TMEM45B: variants seen among roughly 807,000 people sequenced by gnomAD.
TMEM45B encodes the protein transmembrane protein 45B.
TMEM45B carries 29 observed loss-of-function variants against 27.3 expected under a neutral mutation model. The ratio of observed to expected loss-of-function variants is 1.06; its 90% CI spans 0.79 to 1.45. The LOEUF is 1.45. Among genes scored for constraint, TMEM45B ranks in the 40% most tolerant of loss-of-function variants. The pLI, the probability that TMEM45B is intolerant of heterozygous loss-of-function variation, is 0.00. For missense variants in TMEM45B, 348 were observed against 343.9 expected (o/e 1.01, Z -0.09); for synonymous variants, 143 against 134.7 (o/e 1.06, Z -0.43).
chr11:129,834,173 G>A (rs558461402), intron 1 of TMEM45B, among the ~76,000 whole-genome samples: 1 of 152,338 alleles, frequency 6.6e-6, no homozygotes, highest in South Asian at 2.1e-4. Context: ...GCTCACGCCT[G>A]TAATCCCAGC....
chr11:129,826,480 C>A (rs1223643080), intron 1 of TMEM45B, among the ~76,000 whole-genome samples: 5 of 140,888 alleles, frequency 3.5e-5, no homozygotes, highest in Non-Finnish European at 6.1e-5. Flanking sequence ...ACCCGGGAGG[C>A]AGAGCTTGCA....
intron 2 of TMEM45B, 91 bp downstream of exon 2, chr11:129,852,751 C>T (rs1240805821): frequency 5.0e-6 from 7 of 1,401,928 alleles, no homozygotes; most frequent in Non-Finnish European, 5.8e-6. Flanking sequence ...TAGATGTTCC[C>T]ACTGGCAGAG....
Position 129,815,881 on chromosome 11 carries a change from G to A in TMEM45B, c.-26G>A. ...CGCGCGGCGCGGGCTGCAGACGGCT[G>A]CGAGGCGCTGGGCACAGGTCAGACG... On this transcript the variant is annotated 5_prime_UTR_variant, in exon 1 of 6. Transcript: ENST00000281441. The A allele has an allele frequency of 3.1e-6, 4 of 1,304,936 alleles. No homozygotes were observed. Among genetic ancestry groups the A allele is most frequent in the Non-Finnish European group, 3.9e-6 (4 of 1,034,984 alleles). The allele number at this position is 1,304,936 out of a possible 1,614,324, so 80.8% of individuals were successfully genotyped here. A position where few individuals can be genotyped will look rare whatever the true frequency, so the allele number is the denominator to read the frequency against.
intron 1 of TMEM45B, 57 bp downstream of exon 1, chr11:129,815,955 G>A: frequency 7.9e-7 from 1 of 1,263,802 alleles, no homozygotes; most frequent in Non-Finnish European, 9.9e-7. Context: ...GAAGGGAGAG[G>A]GGGCCCCGCC....
At chr11:129,833,261 A>G (rs1178610844) in intron 1 of TMEM45B, among the ~76,000 whole-genome samples, 1 of 151,362 alleles carries the variant, frequency 6.6e-6, no homozygotes, top group African/African-American at 2.4e-5. Context: ...AGAAAAATAA[A>G]AAAAAAAAAA....
chr11:129,826,477 A>G (rs2135557541), intron 1 of TMEM45B, among the ~76,000 whole-genome samples: 1 of 143,294 alleles, frequency 7.0e-6, no homozygotes, highest in African/African-American at 2.6e-5. Context: ...TGAACCCGGG[A>G]GGCAGAGCTT....
At chr11:129,849,922 T>A (rs561270511) in intron 1 of TMEM45B, among the ~76,000 whole-genome samples, 1 of 152,094 alleles carries the variant, frequency 6.6e-6, no homozygotes, top group South Asian at 2.1e-4. Flanking sequence ...TGGAGTCATT[T>A]TCCGAAATGA....
intron 1 of TMEM45B, among the ~76,000 whole-genome samples, chr11:129,848,541 T>C (rs1183789436): frequency 6.6e-6 from 1 of 151,950 alleles, no homozygotes; most frequent in African/African-American, 2.4e-5. Context: ...GCTTATGAAG[T>C]TCTTGATGAT....
At chr11:129,837,769 G>A (rs1442844081) in intron 1 of TMEM45B, among the ~76,000 whole-genome samples, 1 of 134,926 alleles carries the variant, frequency 7.4e-6, no homozygotes, top group Non-Finnish European at 1.5e-5. Context: ...TGTTACCCAG[G>A]CTAGTTTCTT....
intron 1 of TMEM45B, among the ~76,000 whole-genome samples, chr11:129,825,864 G>A (rs1947471531): frequency 6.6e-6 from 1 of 152,230 alleles, no homozygotes; most frequent in African/African-American, 2.4e-5. Flanking sequence ...CATGACTTTG[G>A]AGAGATCTTT....
intron 1 of TMEM45B, among the ~76,000 whole-genome samples, chr11:129,840,946 T>TAAAAAAAAAAAAAAAAAAAAAAA (rs55905045): frequency 3.4e-5 from 1 of 29,274 alleles, no homozygotes; most frequent in Non-Finnish European, 6.9e-5. Context: ...TTTCTTTCTG[T>TAAAAAAAAAAAAAAAAAAAAAAA]AAAAAAAAAA....
At chr11:129,843,037 T>C (rs1947714222) in intron 1 of TMEM45B, among the ~76,000 whole-genome samples, 2 of 152,234 alleles carry the variant, frequency 1.3e-5, no homozygotes, top group African/African-American at 4.8e-5. Flanking sequence ...CCTCTCAGGT[T>C]CAAGCGATTC....
At chr11:129,839,814 T>G (rs1947668418) in intron 1 of TMEM45B, among the ~76,000 whole-genome samples, 1 of 152,188 alleles carries the variant, frequency 6.6e-6, no homozygotes, top group Admixed American at 6.5e-5. Flanking sequence ...GGATTACAGG[T>G]GTGAGCCACT....
intron 1 of TMEM45B, among the ~76,000 whole-genome samples, chr11:129,850,030 T>C (rs1947823104): frequency 1.3e-5 from 2 of 152,216 alleles, no homozygotes. Context: ...CCCGTGGTTT[T>C]CTCTCCTACA....
At chr11:129,849,476 G>C (rs1565371694) in intron 1 of TMEM45B, among the ~76,000 whole-genome samples, 1 of 152,190 alleles carries the variant, frequency 6.6e-6, no homozygotes, top group African/African-American at 2.4e-5. Flanking sequence ...CACCTCCAAG[G>C]CTTCCCTAAG....
At chr11:129,837,585 C>CCTTTTTTTTTTTTT (rs1947636610) in intron 1 of TMEM45B, among the ~76,000 whole-genome samples, 1 of 80,294 alleles carries the variant, frequency 1.2e-5, no homozygotes, top group African/African-American at 4.3e-5. Context: ...CTGCACTGGG[C>CCTTTTTTTTTTTTT]TTTTTTTTTT....
intron 4 of TMEM45B, among the ~76,000 whole-genome samples, chr11:129,856,498 A>G (rs1947927329): frequency 6.6e-6 from 1 of 151,220 alleles, no homozygotes; most frequent in Non-Finnish European, 1.5e-5. Flanking sequence ...GGCGTGAGCC[A>G]CTGCACCTGG....
rs951564010 is a variant in TMEM45B at position 129,857,324 on chromosome 11, G to A, written c.582G>A (p.Val194=). The A allele has an allele frequency of 6.2e-7, 1 of 1,614,080 alleles. No homozygotes were observed. The highest frequency in any genetic ancestry group is 1.3e-5 in the African/African-American group (1 of 74,930). The change falls in exon 5 of 6, where the codon GTG becomes GTA. Residue 194 remains valine (V), a synonymous_variant. Transcript: ENST00000281441. The stretch of plus-strand genomic sequence containing the variant: ...CTGTAATCCCCTAGATTGGGTTTGT[G>A]CTGTTCCCACCTTTTGGAACACCCG... ...QGTWFWQIGF[V]LFPPFGTPEW...
Position 129,855,604 on chromosome 11 carries a change from C to T in TMEM45B, c.386-104C>T, listed in dbSNP as rs568573249. ...TGCTGCCTGTAATGTTATGTACTAA[C>T]TGCCTAAATGCTGAAGAACCTAGCT... On this transcript the variant is annotated intron_variant, in intron 3 of 5. Transcript: ENST00000281441. 8.1e-5 allele frequency: 91 copies of T among 1,125,270 alleles called. No homozygotes were observed. The Middle Eastern group carries it at 1.4e-3, about 17-fold the overall frequency. The allele number at this position is 1,125,270 out of a possible 1,614,324, so 69.7% of individuals were successfully genotyped here.
Sources: gnomAD v4.1 joint callset for allele counts (sites outside exome capture counted in the v4.1 genomes callset) on GRCh38, gnomAD v4.1.1 for gene constraint, MANE v1.5 for transcripts, NCBI Gene and HGNC (gene_info 2026-07-23, HGNC 2026-07-21) for gene names.